EEPD1: variants seen among roughly 807,000 people sequenced by gnomAD.
EEPD1 encodes endonuclease/exonuclease/phosphatase family domain-containing protein 1.
A neutral mutation model predicts 46.3 loss-of-function variants in EEPD1; 17 were observed. The ratio of observed to expected loss-of-function variants is 0.37; its 90% CI spans 0.25 to 0.55. The LOEUF (loss-of-function observed/expected upper bound fraction) is 0.55. Ranked by LOEUF, EEPD1 falls within the 20% of genes least tolerant of loss-of-function variation. The pLI, the probability that EEPD1 is intolerant of heterozygous loss-of-function variation, is 0.83. For synonymous variants in EEPD1, 313 were observed against 315.6 expected (o/e 0.99, Z 0.09); for missense variants, 673 against 745.6 (o/e 0.90, Z 1.13).
chr7:36,257,744 T>G (rs112114752), intron 3 of EEPD1, among the ~76,000 whole-genome samples: 14,634 of 152,188 alleles, frequency 0.096, 1,010 homozygotes, highest in East Asian at 0.37. Context: ...TCAAGGTTCT[T>G]AGCTTCTTTG....
At chr7:36,204,761 C>T (rs1225751733) in intron 2 of EEPD1, among the ~76,000 whole-genome samples, 2 of 152,128 alleles carry the variant, frequency 1.3e-5, no homozygotes, top group African/African-American at 2.4e-5. Context: ...GAAGGCCTCC[C>T]GGAGTTTCTG....
chr7:36,243,028 G>A (rs1368604637), intron 3 of EEPD1, among the ~76,000 whole-genome samples: 4 of 152,158 alleles, frequency 2.6e-5, no homozygotes, highest in African/African-American at 9.7e-5. Context: ...TGATTAAAAA[G>A]CCAACAAGAA....
intron 2 of EEPD1, among the ~76,000 whole-genome samples, chr7:36,185,810 C>T (rs991296990): frequency 1.3e-5 from 2 of 152,144 alleles, no homozygotes; most frequent in East Asian, 1.9e-4. Flanking sequence ...GTTCATTTGG[C>T]GTGTCGGTAA....
intron 4 of EEPD1, 29 bp downstream of exon 4, chr7:36,281,254 C>A: frequency 6.3e-7 from 1 of 1,593,240 alleles, no homozygotes; most frequent in South Asian, 1.1e-5. Context: ...CCTGGCCTTT[C>A]CCTTCATTTA....
In EEPD1 at chr7:36,154,387, C is replaced by A. The variant is rs1354163565; in HGVS notation, c.63C>A (p.Ser21Arg). Reference protein sequence around the residue: ...IPRDPSDLSHSRKFSAACNFS... With the variant: ...IPRDPSDLSHRRKFSAACNFS... ...GGGACCCCTCGGACCTGTCCCATAG[C>A]CGCAAGTTCAGCGCAGCCTGTAACT... Residue 21 changes from serine (S) to arginine (R), a missense_variant, in exon 2 of 8, where the codon AGC becomes AGA. Physicochemically the swap from Ser to Arg is moderately radical, Grantham distance 110 (BLOSUM62 -1). Coordinates refer to ENST00000242108, the MANE Select transcript of EEPD1 (RefSeq NM_030636.3). This position sits in a 1 kb window ranked among gnomAD's most constrained non-coding sequence, Gnocchi z 4.2. 5 of 1,613,982 alleles carry A rather than the reference C, an allele frequency of 3.1e-6. No homozygotes were observed. The highest frequency in any genetic ancestry group is 2.5e-6 in the Non-Finnish European group (3 of 1,180,036).
chr7:36,190,265 G>C (rs1033823309), intron 2 of EEPD1, among the ~76,000 whole-genome samples: 2 of 152,100 alleles, frequency 1.3e-5, no homozygotes, highest in Non-Finnish European at 2.9e-5. Flanking sequence ...CCAGCTACTT[G>C]GGAGGCTGAG....
chr7:36,158,967 G>C (rs1289236901), intron 2 of EEPD1, among the ~76,000 whole-genome samples: 3 of 152,192 alleles, frequency 2.0e-5, no homozygotes, highest in Non-Finnish European at 2.9e-5. Flanking sequence ...GAACTTGAGT[G>C]TCAAAGTCTT....
intron 2 of EEPD1, among the ~76,000 whole-genome samples, chr7:36,218,279 C>A (rs1786068271): frequency 1.3e-5 from 2 of 151,806 alleles, no homozygotes; most frequent in Non-Finnish European, 2.9e-5. Context: ...ACTGTTTTTT[C>A]CTATCCATAC....
chr7:36,261,510 C>A (rs1250794776), intron 3 of EEPD1, among the ~76,000 whole-genome samples: 1 of 152,234 alleles, frequency 6.6e-6, no homozygotes, highest in Non-Finnish European at 1.5e-5. Context: ...GAGTTACATG[C>A]AATTTCCTGT....
chr7:36,296,694 CTTTTTTTTTTTTT>C (rs60706978), intron 6 of EEPD1, among the ~76,000 whole-genome samples: 53 of 83,134 alleles, frequency 6.4e-4, no homozygotes, highest in African/African-American at 2.5e-3. Context: ...ACCCTTAGGT[CTTTTTTTTTTTTT>C]TTTTTTTTTT....
intron 3 of EEPD1, among the ~76,000 whole-genome samples, chr7:36,271,722 T>G (rs1447961361): frequency 1.7e-4 from 22 of 126,272 alleles, no homozygotes; most frequent in South Asian, 5.1e-4. Context: ...TAGGTTTTCA[T>G]GGTTTTAGGT....
intron 5 of EEPD1, among the ~76,000 whole-genome samples, chr7:36,287,080 T>TA (rs1380365625): frequency 3.3e-5 from 5 of 151,054 alleles, no homozygotes; most frequent in African/African-American, 9.7e-5. Flanking sequence ...CTACTAAAAA[T>TA]AAAAAAATTA....
At chr7:36,270,637 C>T (rs763769456) in intron 3 of EEPD1, among the ~76,000 whole-genome samples, 77 of 152,312 alleles carry the variant, frequency 5.1e-4, no homozygotes, top group Non-Finnish European at 9.0e-4. Context: ...GACATGAACT[C>T]ATCCTTTTTT....
At chr7:36,189,149 C>T (rs528627236) in intron 2 of EEPD1, among the ~76,000 whole-genome samples, 1 of 151,506 alleles carries the variant, frequency 6.6e-6, no homozygotes, top group Admixed American at 6.6e-5. Context: ...TGTACTGGCC[C>T]CCACGGGACA....
At chr7:36,191,132 C>G (rs980946285) in intron 2 of EEPD1, among the ~76,000 whole-genome samples, 1 of 152,130 alleles carries the variant, frequency 6.6e-6, no homozygotes, top group Non-Finnish European at 1.5e-5. Context: ...TGAAGTGTGC[C>G]CCATTTCTGT....
At chr7:36,245,994 A>C (rs1032357483) in intron 3 of EEPD1, among the ~76,000 whole-genome samples, 1 of 152,234 alleles carries the variant, frequency 6.6e-6, no homozygotes, top group Non-Finnish European at 1.5e-5. Context: ...AAGGAAATAA[A>C]AATATTGGTA....
chr7:36,215,052 A>G (rs908199839), intron 2 of EEPD1, among the ~76,000 whole-genome samples: 1 of 152,180 alleles, frequency 6.6e-6, no homozygotes, highest in African/African-American at 2.4e-5. Context: ...GTAGACTATG[A>G]GGGACCAGAG....
At chr7:36,170,912 A>G (rs947859647) in intron 2 of EEPD1, among the ~76,000 whole-genome samples, 4 of 151,736 alleles carry the variant, frequency 2.6e-5, no homozygotes, top group Admixed American at 6.6e-5. Context: ...ACTTTTTTCC[A>G]TGCTTCTTTT....
intron 3 of EEPD1, among the ~76,000 whole-genome samples, chr7:36,266,212 TACTC>T (rs1224070691): frequency 1.3e-5 from 2 of 152,238 alleles, no homozygotes; most frequent in Non-Finnish European, 2.9e-5. Context: ...TTTCAATAAT[TACTC>T]ACAAATTTAG....
Sources: allele counts gnomAD v4.1 joint callset (sites outside exome capture counted in the v4.1 genomes callset), GRCh38; gene constraint gnomAD v4.1.1; non-coding constraint Gnocchi (gnomAD v3.1); transcripts MANE v1.5; gene names NCBI Gene and HGNC (gene_info 2026-07-23, HGNC 2026-07-21).